FOCAD: variants seen among roughly 807,000 people sequenced by gnomAD.
FOCAD encodes focadhesin.
In FOCAD, 198 loss-of-function variants were observed where a neutral mutation model predicts 225.6. The observed-to-expected ratio is 0.88, with a 90% confidence interval of 0.78 to 0.99. FOCAD has a LOEUF of 0.99. FOCAD is among the 50% of genes least tolerant of loss of function. The pLI is 0.00. For synonymous variants in FOCAD, 897 were observed against 755.0 expected (o/e 1.19, Z -3.08); for missense variants, 2,713 against 2,123.6 (o/e 1.28, Z -5.46).
intron 1 of FOCAD, among the ~76,000 whole-genome samples, chr9:20,710,050 A>G (rs1171559110): frequency 6.6e-6 from 1 of 152,090 alleles, no homozygotes; most frequent in East Asian, 1.9e-4. Flanking sequence ...CTGGGCCTGG[A>G]TCAGAGTGCA....
At chr9:20,789,662 AT>A in intron 11 of FOCAD, 54 bp downstream of exon 11, 3 of 1,589,248 alleles carry the variant, frequency 1.9e-6, no homozygotes, top group Non-Finnish European at 2.6e-6. Flanking sequence ...ATCATTGGAA[AT>A]GTAGATTATT....
At chr9:20,691,859 C>G (rs1012849817) in intron 1 of FOCAD, among the ~76,000 whole-genome samples, 1 of 152,074 alleles carries the variant, frequency 6.6e-6, no homozygotes, top group African/African-American at 2.4e-5. Context: ...CTGCAACCTC[C>G]GCCTCCCGGG....
intron 21 of FOCAD, among the ~76,000 whole-genome samples, chr9:20,902,027 A>T (rs1316589578): frequency 6.6e-6 from 1 of 151,916 alleles, no homozygotes; most frequent in East Asian, 1.9e-4. Flanking sequence ...CTTGCTTATG[A>T]TAGTATGATT....
chr9:20,769,184 C>A (rs1817922509), intron 7 of FOCAD, among the ~76,000 whole-genome samples: 2 of 152,060 alleles, frequency 1.3e-5, no homozygotes, highest in African/African-American at 4.8e-5. Context: ...CTTTTAATAT[C>A]TTTTTTCTCT....
chr9:20,969,920 TC>T (rs1421561727), intron 35 of FOCAD, among the ~76,000 whole-genome samples: 1 of 151,784 alleles, frequency 6.6e-6, no homozygotes, highest in Non-Finnish European at 1.5e-5. Flanking sequence ...ACTTTGTTTT[TC>T]TGTATATGTC....
At chr9:20,886,791 G>A (rs1016198636) in intron 21 of FOCAD, among the ~76,000 whole-genome samples, 1 of 152,156 alleles carries the variant, frequency 6.6e-6, no homozygotes, top group Non-Finnish European at 1.5e-5. Context: ...ACAAAGGCTG[G>A]GGGACCCATG....
intron 11 of FOCAD, among the ~76,000 whole-genome samples, chr9:20,810,778 G>C (rs544791080): frequency 6.6e-6 from 1 of 152,184 alleles, no homozygotes; most frequent in East Asian, 1.9e-4. Context: ...TAAAGTTTAG[G>C]CCAGGAAGGG....
At chr9:20,681,685 C>T (rs1255221906), upstream of FOCAD, among the ~76,000 whole-genome samples, 1 of 152,180 alleles carries the variant, frequency 6.6e-6, no homozygotes, top group Non-Finnish European at 1.5e-5. Context: ...CGTCTTTCAT[C>T]TTGGTATCTC....
At chr9:20,754,796 A>C (rs915546772) in intron 5 of FOCAD, among the ~76,000 whole-genome samples, 1 of 152,164 alleles carries the variant, frequency 6.6e-6, no homozygotes, top group Non-Finnish European at 1.5e-5. Context: ...CCACACAATA[A>C]AGAGTTATGT....
chr9:20,769,470 C>T (rs906554213), intron 7 of FOCAD, among the ~76,000 whole-genome samples: 2 of 152,184 alleles, frequency 1.3e-5, no homozygotes, highest in Non-Finnish European at 2.9e-5. Flanking sequence ...TTCAAGAGCA[C>T]CCAGGTCCTT....
chr9:20,683,749 A>C (rs1822486457), upstream of FOCAD: 1 of 152,346 alleles, frequency 6.6e-6, no homozygotes, highest in Non-Finnish European at 1.5e-5. Flanking sequence ...AAGTAAAGAC[A>C]CCAAGTAGCT....
intron 15 of FOCAD, among the ~76,000 whole-genome samples, chr9:20,860,157 A>C (rs560435380): frequency 1.3e-5 from 2 of 152,210 alleles, no homozygotes; most frequent in Non-Finnish European, 2.9e-5. Flanking sequence ...TCTTGCTTAT[A>C]TAACTATAAT....
intron 11 of FOCAD, among the ~76,000 whole-genome samples, chr9:20,818,813 CTTTG>C (rs1357009761): frequency 6.6e-6 from 1 of 152,036 alleles, no homozygotes; most frequent in East Asian, 1.9e-4. Context: ...AGTCTTCAAA[CTTTG>C]TTTTTCTTTT....
At chr9:20,723,054 T>C (rs1415393727) in intron 4 of FOCAD, among the ~76,000 whole-genome samples, 1 of 152,216 alleles carries the variant, frequency 6.6e-6, no homozygotes, top group Non-Finnish European at 1.5e-5. Context: ...TATGCTGGTG[T>C]GAGGTATCAT....
In FOCAD at chr9:20,849,107, T is replaced by C. The variant is rs369605408; in HGVS notation, c.1921-13471T>C. ...AATATATAAAAAAGGATTTTATTAA[T>C]GGCCAAGCCAATATACTTTTCCAGT... On this transcript the variant is annotated intron_variant, in intron 15 of 43. Transcript: ENST00000338382. Among the ~76,000 whole-genome samples the C allele has an allele frequency of 4.6e-5, 7 of 152,106 alleles. No homozygotes were observed. The East Asian group carries it at 1.2e-3, about 25-fold the overall frequency.
In FOCAD at chr9:20,713,868, T is replaced by G. The variant is rs562298498; in HGVS notation, c.-32-1454T>G. Among the ~76,000 whole-genome samples, 374 of 152,358 alleles carry G rather than the reference T, an allele frequency of 2.5e-3. 1 individual carries two copies. Among genetic ancestry groups the G allele is most frequent in the African/African-American group, 8.3e-3 (346 of 41,580 alleles). On this transcript the variant is annotated intron_variant, in intron 1 of 43. Transcript: ENST00000338382. ...GGAGGAGAAAACTACAAGAAAGTTG[T>G]GATTGACACAATTGGGAAGTTAAAA...
upstream of FOCAD, chr9:20,684,100 G>A (rs1331143231): frequency 6.6e-6 from 1 of 152,326 alleles, no homozygotes; most frequent in Non-Finnish European, 1.5e-5. Flanking sequence ...TTCAACCGCA[G>A]TGCGCGGCCC....
chr9:20,927,151 G>T (rs1258355443), intron 26 of FOCAD, among the ~76,000 whole-genome samples: 1 of 152,090 alleles, frequency 6.6e-6, no homozygotes, highest in Non-Finnish European at 1.5e-5. Flanking sequence ...TCAGGGTCAA[G>T]AGCTACAGTT....
intron 6 of FOCAD, among the ~76,000 whole-genome samples, chr9:20,759,433 AC>A (rs1829364736): frequency 6.6e-6 from 1 of 152,148 alleles, no homozygotes; most frequent in African/African-American, 2.4e-5. Context: ...CTGATCTTTG[AC>A]AAACCTGAGA....
Sources: allele counts gnomAD v4.1 joint callset (sites outside exome capture counted in the v4.1 genomes callset), GRCh38; gene constraint gnomAD v4.1.1; transcripts MANE v1.5; gene names NCBI Gene and HGNC (gene_info 2026-07-23, HGNC 2026-07-21).